Variants in LCA5 observed in about 807,000 individuals in gnomAD.
The protein encoded by LCA5 is lebercilin.
Under a neutral mutation model 53.0 loss-of-function variants are expected in LCA5, and 37 were observed. The ratio of observed to expected loss-of-function variants is 0.70; its 90% confidence interval spans 0.54 to 0.92. The LOEUF is 0.92. Among genes scored for constraint, LCA5 ranks in the 40% least tolerant of loss-of-function variants. The pLI is 0.00. For missense variants in LCA5, 806 were observed against 790.5 expected (o/e 1.02, Z -0.23); for synonymous variants, 303 against 282.9 (o/e 1.07, Z -0.71).
intron 1 of LCA5, among the ~76,000 whole-genome samples, chr6:79,531,065 C>A (rs1766944982): frequency 6.6e-6 from 1 of 152,090 alleles, no homozygotes; most frequent in Admixed American, 6.6e-5. Flanking sequence ...CAAACTTACC[C>A]AAGTTCACAA....
chr6:79,488,743 G>GA (rs965565990), intron 7 of LCA5: 15 of 411,992 alleles, frequency 3.6e-5, no homozygotes, highest in African/African-American at 3.1e-4. Flanking sequence ...ACTTCCAAAT[G>GA]AAAAAATTAA....
intron 5 of LCA5, among the ~76,000 whole-genome samples, chr6:79,491,990 T>C (rs999472809): frequency 3.4e-4 from 52 of 152,018 alleles, no homozygotes; most frequent in Admixed American, 1.4e-3. Context: ...TTATATGATT[T>C]GGGGAGAATT....
In LCA5 at chr6:79,519,182, G is replaced by C. The variant is rs141318482; in HGVS notation, c.-191-97C>G. 5.4e-4 allele frequency: 225 copies of C among 416,154 alleles called. 1 individual carries two copies. The highest frequency in any genetic ancestry group is 4.3e-3 in the African/African-American group (216 of 49,742). 25.8% of individuals were successfully genotyped at this position (416,154 alleles called of 1,614,324 possible). A position where few individuals can be genotyped will look rare whatever the true frequency, so the allele number is the denominator to read the frequency against. On this transcript the variant is annotated intron_variant, in intron 1 of 7. Transcript: ENST00000369846. ...GACACTAAAAGCAAAATAATATATA[G>C]CTTACAATTTTTAAAAGAGGCTACA...
At chr6:79,507,463 CTACTT>C (rs558168755) in intron 3 of LCA5, among the ~76,000 whole-genome samples, 38 of 152,230 alleles carry the variant, frequency 2.5e-4, no homozygotes, top group Admixed American at 1.8e-3. Flanking sequence ...TTGGAAATCA[CTACTT>C]TATATAACTA....
chr6:79,485,270 C>A lies in LCA5; in HGVS notation c.*1734G>T, dbSNP rs548769322. 1.3e-5 allele frequency: 2 copies of A among 152,432 alleles called. No individual in the cohort carries two copies. The highest frequency in any genetic ancestry group is 3.9e-4 in the East Asian group (2 of 5,176). The allele number at this position is 152,432 out of a possible 1,614,324, so 9.4% of individuals were successfully genotyped here. On this transcript the variant is annotated 3_prime_UTR_variant, in exon 8 of 8. Coordinates refer to ENST00000369846, the MANE Select transcript of LCA5 (RefSeq NM_001122769.3). ...TAAATGACGTGAATAAAAAACTTAACTAAAAAGTTTTAAAAGCCTTTAAAA... is the reference window on the plus strand; with the variant it reads ...TAAATGACGTGAATAAAAAACTTAAATAAAAAGTTTTAAAAGCCTTTAAAA...
At chr6:79,510,602 A>G (rs544895534) in intron 3 of LCA5, among the ~76,000 whole-genome samples, 1 of 152,282 alleles carries the variant, frequency 6.6e-6, no homozygotes, top group South Asian at 2.1e-4. Context: ...CCACATCAAA[A>G]TTAAAAATTT....
In LCA5 at chr6:79,487,664, G is replaced by A. The variant is rs1769708449; in HGVS notation, c.1434C>T (p.Leu478=). The A allele has an allele frequency of 1.2e-6, 2 of 1,613,862 alleles. No homozygotes were observed. Among genetic ancestry groups the A allele is most frequent in the Non-Finnish European group, 8.5e-7 (1 of 1,179,838 alleles). Residue 478 remains leucine, a synonymous_variant, in exon 8 of 8, where the codon CTC becomes CTT. Coordinates refer to ENST00000369846, the MANE Select transcript of LCA5 (RefSeq NM_001122769.3). ...LAKLNEIDRE[L]QDSRNLKYPV... is the part of the protein sequence containing the mutation. ...GGTATTTTAGATTTCGAGAATCTTG[G>A]AGTTCTCTGTCAATTTCATTCAGTT...
At chr6:79,530,343 C>A (rs969718661) in intron 1 of LCA5, among the ~76,000 whole-genome samples, 1 of 151,916 alleles carries the variant, frequency 6.6e-6, no homozygotes, top group Non-Finnish European at 1.5e-5. Context: ...ATGACACACA[C>A]TAGGGACTAT....
chr6:79,510,294 A>G (rs189405144), intron 3 of LCA5, among the ~76,000 whole-genome samples: 5 of 152,354 alleles, frequency 3.3e-5, no homozygotes, highest in Admixed American at 2.0e-4. Flanking sequence ...CTACACATCC[A>G]TAGGCCAAAC....
chr6:79,537,466 C>G (rs953570986), upstream of LCA5: 1 of 152,278 alleles, frequency 6.6e-6, no homozygotes, highest in Non-Finnish European at 1.5e-5. Context: ...CATGATGACT[C>G]TACCCGAGCT....
chr6:79,521,209 G>A (rs185848443), intron 1 of LCA5, among the ~76,000 whole-genome samples: 54 of 152,284 alleles, frequency 3.5e-4, no homozygotes, highest in African/African-American at 1.3e-3. Context: ...TAGAAGCTAG[G>A]TTTCTTTGTA....
intron 6 of LCA5, among the ~76,000 whole-genome samples, 183 bp from the exon 7 acceptor site, chr6:79,489,399 T>A (rs1296727735): frequency 1.3e-5 from 2 of 152,128 alleles, no homozygotes; most frequent in Non-Finnish European, 1.5e-5. Context: ...CCGCACAGGA[T>A]TATTTCCGTT....
chr6:79,532,207 A>G (rs1162125590), intron 1 of LCA5, among the ~76,000 whole-genome samples: 3 of 152,146 alleles, frequency 2.0e-5, no homozygotes, highest in African/African-American at 7.2e-5. Context: ...TATATTCCAG[A>G]TCTGACCATT....
rs1474681070 is a variant in LCA5 at position 79,491,612 on chromosome 6, C to G, written c.1074G>C (p.Trp358Cys). The G allele has an allele frequency of 1.9e-6, 3 of 1,612,854 alleles. No individual in the cohort carries two copies. The highest frequency in any genetic ancestry group is 2.5e-6 in the Non-Finnish European group (3 of 1,179,180). Reference sequence around the variant, plus strand: ...CCAAAGTAAGATGTCCTGGTTCTTCCCATTTGTTTTCGTAACACATAATTG... The same window carrying G: ...CCAAAGTAAGATGTCCTGGTTCTTCGCATTTGTTTTCGTAACACATAATTG... ...PETIMCYENK[W>C]EEPGHLTLDL... Residue 358 changes from tryptophan (W) to cysteine (C), a missense_variant, in exon 6 of 8, where the codon TGG (tryptophan) becomes TGC (cysteine). Coordinates refer to ENST00000369846, the MANE Select transcript of LCA5 (RefSeq NM_001122769.3).
At chr6:79,522,862 T>C (rs991379933) in intron 1 of LCA5, among the ~76,000 whole-genome samples, 6 of 151,118 alleles carry the variant, frequency 4.0e-5, no homozygotes, top group African/African-American at 1.5e-4. Context: ...ACATATTTAA[T>C]ATTAAGGAAT....
Position 79,493,752 on chromosome 6 carries a change from T to A in LCA5, c.721-2A>T, listed in dbSNP as rs1769905934. The A allele has an allele frequency of 6.2e-7, 1 of 1,608,760 alleles. No homozygotes were observed. The highest frequency in any genetic ancestry group is 1.3e-5 in the African/African-American group (1 of 74,730). ...CAGTTCAAGGTTTTTCGATAGCTCC[T>A]ATATGTATAAATACATAAAAAGCAG... On this transcript the variant is annotated splice_acceptor_variant, in intron 3 of 7. Transcript: ENST00000369846. LOFTEE classifies it high-confidence loss of function.
intron 1 of LCA5, among the ~76,000 whole-genome samples, chr6:79,530,128 G>C (rs927383457): frequency 6.6e-6 from 1 of 151,940 alleles, no homozygotes; most frequent in Non-Finnish European, 1.5e-5. Flanking sequence ...ATATAAACAA[G>C]AAATAATTGG....
rs2127694304 is a variant in LCA5 at position 79,537,265 on chromosome 6, C to CTT, written c.-293_-292insAA. The CTT allele has an allele frequency of 6.5e-6, 1 of 153,158 alleles. No homozygotes were observed. Among genetic ancestry groups the CTT allele is most frequent in the Non-Finnish European group, 1.5e-5 (1 of 68,644 alleles). The allele number at this position is 153,158 out of a possible 1,614,324, so 9.5% of individuals were successfully genotyped here. A position where few individuals can be genotyped will look rare whatever the true frequency, so the allele number is the denominator to read the frequency against. On this transcript the variant is annotated 5_prime_UTR_variant, in exon 1 of 8. Transcript: ENST00000369846. Reference sequence around the variant, plus strand: ...CAGCTGGGGCCTCGGCGTCTGACCGCCAAAGAGCGGGTGCCTGGTTCCTGC... The same window carrying CTT: ...CAGCTGGGGCCTCGGCGTCTGACCGCTTCAAAGAGCGGGTGCCTGGTTCCTGC...
intron 3 of LCA5, among the ~76,000 whole-genome samples, chr6:79,507,117 A>G (rs1417677512): frequency 6.6e-6 from 1 of 152,160 alleles, no homozygotes; most frequent in Non-Finnish European, 1.5e-5. Context: ...GTGAGGCTCA[A>G]TTTTCTTCAT....
Sources: gnomAD v4.1 joint callset for allele counts (sites outside exome capture counted in the v4.1 genomes callset) on GRCh38, gnomAD v4.1.1 for gene constraint, MANE v1.5 for transcripts, NCBI Gene and HGNC (gene_info 2026-07-23, HGNC 2026-07-21) for gene names.